Variants in TMEM17 observed in about 807,000 individuals in gnomAD.
TMEM17 encodes the protein transmembrane protein 17.
TMEM17 carries 15 observed loss-of-function variants against 19.1 expected under a neutral mutation model. That is an observed-to-expected ratio of 0.78 (90% confidence interval 0.52 to 1.21). The LOEUF is 1.21. Ranked by LOEUF, TMEM17 falls within the 50% of genes most tolerant of loss-of-function variation. The pLI, the probability that TMEM17 is intolerant of heterozygous loss-of-function variation, is 0.00. For missense variants in TMEM17, 245 were observed against 242.3 expected (o/e 1.01, Z -0.07); for synonymous variants, 103 against 86.9 (o/e 1.19, Z -1.03).
chr2:62,502,457 C>T lies in TMEM17; in HGVS notation c.298G>A (p.Val100Met), dbSNP rs770993930. The T allele has an allele frequency of 1.4e-5, 23 of 1,609,830 alleles. No homozygotes were observed. Among genetic ancestry groups the T allele is most frequent in the Admixed American group, 3.3e-5 (2 of 59,950 alleles). Reference sequence around the variant, plus strand: ...CTTACCTTCTCCTGTAGGTTACCCACGTAGCCCAGATACAACCGGATGGCT... The same window carrying T: ...CTTACCTTCTCCTGTAGGTTACCCATGTAGCCCAGATACAACCGGATGGCT... ...IEAIRLYLGY[V>M]GNLQEKVPEL... Residue 100 changes from valine (V) to methionine (M), a missense_variant, in exon 3 of 4, where the codon GTG becomes ATG. Transcript: ENST00000335390.
the TMEM17 span, among the ~76,000 whole-genome samples, chr2:62,472,621 C>T: frequency 6.6e-6 from 1 of 152,178 alleles, no homozygotes; most frequent in South Asian, 2.1e-4. Context: ...TCCCAACCTT[C>T]CTGATCCAGA....
At chr2:62,472,676 G>T in the TMEM17 span, among the ~76,000 whole-genome samples, 1 of 152,164 alleles carries the variant, frequency 6.6e-6, no homozygotes, top group African/African-American at 2.4e-5. Flanking sequence ...ATTATTTCTG[G>T]TCTCATGGAC....
chr2:62,493,274 T>C, the TMEM17 span, among the ~76,000 whole-genome samples: 1 of 152,184 alleles, frequency 6.6e-6, no homozygotes, highest in Admixed American at 6.6e-5. Context: ...GCAATCCTCC[T>C]GCCTTGGCCT....
At chr2:62,482,563 T>A in the TMEM17 span, among the ~76,000 whole-genome samples, 27 of 152,300 alleles carry the variant, frequency 1.8e-4, no homozygotes, top group Admixed American at 4.6e-4. Context: ...GCTTGGTCAG[T>A]CAGAACATCT....
the TMEM17 span, among the ~76,000 whole-genome samples, chr2:62,454,554 C>T: frequency 1.3e-5 from 2 of 152,254 alleles, no homozygotes; most frequent in Non-Finnish European, 2.9e-5. Context: ...TGGTCTGTCA[C>T]CAGGCTTTCC....
At chr2:62,477,352 G>A in the TMEM17 span, among the ~76,000 whole-genome samples, 4 of 152,196 alleles carry the variant, frequency 2.6e-5, no homozygotes, top group African/African-American at 4.8e-5. Flanking sequence ...AGCTAGGATC[G>A]CACCACTGTA....
chr2:62,478,520 C>T, the TMEM17 span, among the ~76,000 whole-genome samples: 1 of 152,216 alleles, frequency 6.6e-6, no homozygotes, highest in Non-Finnish European at 1.5e-5. Flanking sequence ...ACCCTCACTC[C>T]TTAAATTTTG....
intron 1 of TMEM17, among the ~76,000 whole-genome samples, chr2:62,505,256 T>C (rs1467565978): frequency 6.6e-6 from 1 of 152,050 alleles, no homozygotes; most frequent in Non-Finnish European, 1.5e-5. Flanking sequence ...CATCATGATG[T>C]AGGAGGAGGA....
chr2:62,484,195 A>G, the TMEM17 span, among the ~76,000 whole-genome samples: 4 of 152,344 alleles, frequency 2.6e-5, no homozygotes, highest in East Asian at 7.7e-4. Flanking sequence ...CTCTTTCTCT[A>G]GAGCAGCACC....
At chr2:62,498,272 C>T (rs10191428), downstream of TMEM17, among the ~76,000 whole-genome samples, 19,723 of 151,580 alleles carry the variant, frequency 0.13, 1,400 homozygotes, top group East Asian at 0.29. Context: ...CTGTAATCCC[C>T]GCTACTCTGG....
the TMEM17 span, among the ~76,000 whole-genome samples, chr2:62,491,716 T>G: frequency 6.6e-6 from 1 of 151,920 alleles, no homozygotes; most frequent in Non-Finnish European, 1.5e-5. Context: ...CTTAGAGGAG[T>G]AAATAAGATA....
the TMEM17 span, among the ~76,000 whole-genome samples, chr2:62,466,461 G>A: frequency 5.9e-5 from 9 of 152,336 alleles, no homozygotes; most frequent in South Asian, 2.1e-4. Flanking sequence ...AACCAAATGC[G>A]ATGTGAGTGT....
chr2:62,462,061 C>T, the TMEM17 span, among the ~76,000 whole-genome samples: 1 of 152,278 alleles, frequency 6.6e-6, no homozygotes, highest in East Asian at 1.9e-4. Flanking sequence ...GAGGCTGTTT[C>T]TCAGTGTTTT....
At position 62,501,484 on chromosome 2, in the gene TMEM17, G is replaced by A. The variant is rs1273437469; in HGVS notation, c.322C>T (p.Pro108Ser). Reference protein sequence around the residue: ...GYVGNLQEKVPELAGFWLLSL... With the variant: ...GYVGNLQEKVSELAGFWLLSL... ...AAAAGCCAAAAGCCAGCCAACTCAGGAACCTGCAATGACACATATCAAGAG... is the reference window on the plus strand; with the variant it reads ...AAAAGCCAAAAGCCAGCCAACTCAGAAACCTGCAATGACACATATCAAGAG... Residue 108 changes from proline to serine, a missense_variant, in exon 4 of 4, where the codon CCT becomes TCT. Pro to Ser is a moderately conservative substitution (Grantham distance 74). Coordinates refer to ENST00000335390, the MANE Select transcript of TMEM17 (RefSeq NM_198276.3). The A allele has an allele frequency of 6.2e-7, 1 of 1,610,628 alleles. No individual in the cohort carries two copies. Among genetic ancestry groups the A allele is most frequent in the South Asian group, 1.1e-5 (1 of 90,526 alleles).
chr2:62,476,623 G>A, the TMEM17 span, among the ~76,000 whole-genome samples: 2,906 of 152,268 alleles, frequency 0.019, 103 homozygotes, highest in African/African-American at 0.067. Flanking sequence ...ATGTATTTAA[G>A]CTAGGGAAGT....
the TMEM17 span, among the ~76,000 whole-genome samples, chr2:62,457,183 C>G: frequency 6.6e-6 from 1 of 152,216 alleles, no homozygotes; most frequent in Non-Finnish European, 1.5e-5. The surrounding 1 kb of genome is among the most constrained non-coding windows in gnomAD (Gnocchi z 4.2). Flanking sequence ...GATCGGCGAC[C>G]CCGGGCGCCG....
chr2:62,504,057 A>C (rs1264262718), intron 1 of TMEM17, among the ~76,000 whole-genome samples: 10 of 152,244 alleles, frequency 6.6e-5, no homozygotes, highest in Non-Finnish European at 1.2e-4. Context: ...AAAGGCTCTA[A>C]AATAAATGTC....
intron 1 of TMEM17, among the ~76,000 whole-genome samples, chr2:62,504,278 T>G (rs1049586894): frequency 1.3e-5 from 2 of 152,236 alleles, no homozygotes; most frequent in African/African-American, 4.8e-5. Context: ...ATCTGTTAAA[T>G]CTGAAGACAA....
chr2:62,497,812 T>A (rs576766863), downstream of TMEM17, among the ~76,000 whole-genome samples: 8 of 152,328 alleles, frequency 5.3e-5, no homozygotes, highest in East Asian at 1.5e-3. Flanking sequence ...AATCCTGGGA[T>A]ACTAAGTGCT....
Sources: gnomAD v4.1 joint callset for allele counts (sites outside exome capture counted in the v4.1 genomes callset) on GRCh38, gnomAD v4.1.1 for gene constraint, Gnocchi (gnomAD v3.1) non-coding constraint, MANE v1.5 for transcripts, NCBI Gene and HGNC (gene_info 2026-07-23, HGNC 2026-07-21) for gene names.